Variants in SUGT1 observed in about 807,000 individuals in gnomAD.
SUGT1 encodes the protein protein SGT1 homolog.
Under a neutral mutation model 56.1 loss-of-function variants are expected in SUGT1, and 15 were observed. The observed-to-expected ratio is 0.27, with a 90% CI of 0.18 to 0.41. The LOEUF is 0.41. Ranked by LOEUF, SUGT1 falls within the 10% of genes least tolerant of loss-of-function variation. The probability of loss-of-function intolerance (pLI) is 1.00; values close to 1 mark genes in which losing one functional copy is unlikely to be tolerated. For synonymous variants in SUGT1, 123 were observed against 128.6 expected (o/e 0.96, Z 0.30); for missense variants, 347 against 382.2 (o/e 0.91, Z 0.77).
At chr13:52,674,965 A>G (rs1055373316) in intron 10 of SUGT1, among the ~76,000 whole-genome samples, 2 of 152,272 alleles carry the variant, frequency 1.3e-5, no homozygotes, top group South Asian at 2.1e-4. Context: ...TTAGGATACT[A>G]TTAACTTTTC....
chr13:52,675,758 T>C (rs1268194185), intron 10 of SUGT1, among the ~76,000 whole-genome samples: 6 of 152,248 alleles, frequency 3.9e-5, no homozygotes, highest in African/African-American at 7.2e-5. Flanking sequence ...GCAGTAATTC[T>C]TTTAGAATCA....
intron 8 of SUGT1, among the ~76,000 whole-genome samples, chr13:52,664,630 A>C (rs17541218): frequency 0.028 from 4,329 of 152,300 alleles, 92 homozygotes; most frequent in Middle Eastern, 0.058. Context: ...CGAGACTCTT[A>C]AAGTTCATTT....
intron 10 of SUGT1, among the ~76,000 whole-genome samples, 154 bp downstream of exon 10, chr13:52,667,073 AT>A (rs1377536490): frequency 6.6e-6 from 1 of 152,186 alleles, no homozygotes; most frequent in African/African-American, 2.4e-5. Context: ...TATAAGGGTT[AT>A]TTTACCTCTC....
intron 8 of SUGT1, among the ~76,000 whole-genome samples, chr13:52,664,596 C>T (rs1380550366): frequency 1.3e-5 from 2 of 152,152 alleles, no homozygotes; most frequent in East Asian, 3.8e-4. Flanking sequence ...AGCTTTGCAT[C>T]CTTACTGAAT....
At chr13:52,660,162 A>G (rs1234764718) in intron 5 of SUGT1, among the ~76,000 whole-genome samples, 1 of 152,094 alleles carries the variant, frequency 6.6e-6, no homozygotes, top group Non-Finnish European at 1.5e-5. Flanking sequence ...GAAAAATACT[A>G]AGAGGTTGTG....
At chr13:52,667,969 C>G (rs896060725) in intron 10 of SUGT1, among the ~76,000 whole-genome samples, 6 of 150,234 alleles carry the variant, frequency 4.0e-5, no homozygotes, top group African/African-American at 1.5e-4. Context: ...TTTTCCATTA[C>G]TACTTTTTTT....
chr13:52,676,123 C>T (rs1963132834), intron 10 of SUGT1, 107 bp from the exon 11 acceptor site: 2 of 756,316 alleles, frequency 2.6e-6, no homozygotes, highest in Admixed American at 3.4e-5. Flanking sequence ...AGGAAACTGT[C>T]AAAGATACTA....
At chr13:52,676,905 C>T (rs9526974) in intron 11 of SUGT1, among the ~76,000 whole-genome samples, 4 of 151,896 alleles carry the variant, frequency 2.6e-5, no homozygotes, top group Non-Finnish European at 5.9e-5. Context: ...GTGTTGAGGT[C>T]AATTTTAAGT....
At chr13:52,680,323 T>A (rs1963321448) in intron 12 of SUGT1, among the ~76,000 whole-genome samples, 168 bp downstream of exon 12, 1 of 152,192 alleles carries the variant, frequency 6.6e-6, no homozygotes, top group Non-Finnish European at 1.5e-5. Flanking sequence ...TTGAGGAAGT[T>A]GAAAACTTAT....
In SUGT1 at chr13:52,696,462, TTTAC is replaced by T. The variant is rs1410742377; in HGVS notation, c.*8631_*8634del. The T allele has an allele frequency of 2.0e-5, 3 of 152,188 alleles. No individual in the cohort carries two copies. The highest frequency in any genetic ancestry group is 4.4e-5 in the Non-Finnish European group (3 of 68,044). The allele number at this position is 152,188 out of a possible 1,614,324, so 9.4% of individuals were successfully genotyped here. On this transcript the variant is annotated 3_prime_UTR_variant, in exon 13 of 13. Coordinates refer to ENST00000310528, the MANE Select transcript of SUGT1 (RefSeq NM_006704.5). ...TGTGTGTCTTGGTCAGTTAGTGTTATTTACTTAAGCTTTGGATCTTTGATACATA... is the reference window on the plus strand; with the variant it reads ...TGTGTGTCTTGGTCAGTTAGTGTTATTTAAGCTTTGGATCTTTGATACATA...
rs1210850584 is a variant in SUGT1, at chr13:52,689,903, G to C, written c.*2068G>C. The stretch of plus-strand genomic sequence containing the variant: ...GAGAATTGCTTGAACCGGGAGGCAG[G>C]GGGTGCAGTGAGCCAAGATCATGCC... On this transcript the variant is annotated 3_prime_UTR_variant, in exon 13 of 13. Coordinates refer to ENST00000310528, the MANE Select transcript of SUGT1 (RefSeq NM_006704.5). 6.6e-6 allele frequency: 1 copy of C among 151,884 alleles called. No individual in the cohort carries two copies. The highest frequency in any genetic ancestry group is 1.5e-5 in the Non-Finnish European group (1 of 68,000). 9.4% of individuals were successfully genotyped at this position (151,884 alleles called of 1,614,324 possible).
chr13:52,672,723 G>A (rs903284677), intron 10 of SUGT1, among the ~76,000 whole-genome samples: 4 of 152,202 alleles, frequency 2.6e-5, no homozygotes, highest in African/African-American at 7.2e-5. Flanking sequence ...ATCCCTTCAT[G>A]TCAGTCTGTA....
At chr13:52,679,711 T>C (rs1963292361) in intron 11 of SUGT1, among the ~76,000 whole-genome samples, 1 of 152,246 alleles carries the variant, frequency 6.6e-6, no homozygotes, top group South Asian at 2.1e-4. Context: ...TAATTTTGTA[T>C]AGCATATCAA....
At chr13:52,683,480 A>C (rs563113131) in intron 12 of SUGT1, among the ~76,000 whole-genome samples, 1 of 152,226 alleles carries the variant, frequency 6.6e-6, no homozygotes, top group South Asian at 2.1e-4. Flanking sequence ...CATATAGTGT[A>C]TCTCTTAATT....
At position 52,693,629 on chromosome 13, in the gene SUGT1, C is replaced by G. The variant is rs1003987964; in HGVS notation, c.*5794C>G. 1 of 151,630 alleles carries G rather than the reference C, an allele frequency of 6.6e-6. No homozygotes were observed. Among genetic ancestry groups the G allele is most frequent in the African/African-American group, 2.4e-5 (1 of 41,018 alleles). The allele number at this position is 151,630 out of a possible 1,614,324, so 9.4% of individuals were successfully genotyped here. Reference sequence around the variant, plus strand: ...TATGTAAAGGAGATAATAGGATCCCCCTCATGCCTCATGGTCTTAGTTGAA... The same window carrying G: ...TATGTAAAGGAGATAATAGGATCCCGCTCATGCCTCATGGTCTTAGTTGAA... On this transcript the variant is annotated 3_prime_UTR_variant, in exon 13 of 13. Transcript: ENST00000310528.
intron 5 of SUGT1, among the ~76,000 whole-genome samples, chr13:52,662,265 G>C (rs1962491382): frequency 6.6e-5 from 10 of 152,134 alleles, no homozygotes; most frequent in Admixed American, 6.6e-4. Flanking sequence ...TCAGCTCCCA[G>C]TTACCAAGCC....
intron 12 of SUGT1, among the ~76,000 whole-genome samples, chr13:52,686,838 A>G (rs1479861709): frequency 6.6e-6 from 1 of 152,140 alleles, no homozygotes; most frequent in Non-Finnish European, 1.5e-5. Flanking sequence ...TGGGAGGCCA[A>G]GGTGGGCGGA....
chr13:52,659,143 T>C, intron 4 of SUGT1, 36 bp from the exon 5 acceptor site: 2 of 1,489,484 alleles, frequency 1.3e-6, no homozygotes, highest in Non-Finnish European at 1.8e-6. Context: ...CCAGATTTTT[T>C]GTGTGTCTTA....
intron 11 of SUGT1, among the ~76,000 whole-genome samples, chr13:52,678,681 GTT>G (rs11325152): frequency 0.02 from 2,816 of 141,638 alleles, 36 homozygotes; most frequent in Non-Finnish European, 0.027. Flanking sequence ...TTTTTTGTTG[GTT>G]TTTTTTTTTT....
Sources: allele counts gnomAD v4.1 joint callset (sites outside exome capture counted in the v4.1 genomes callset), GRCh38; gene constraint gnomAD v4.1.1; transcripts MANE v1.5; gene names NCBI Gene and HGNC (gene_info 2026-07-23, HGNC 2026-07-21).